Variants in SSBP2 observed in about 807,000 individuals in gnomAD.
SSBP2 encodes the protein single stranded DNA binding protein 2.
SSBP2 carries 17 observed loss-of-function variants against 61.8 expected under a neutral mutation model. The observed-to-expected ratio is 0.28, with a 90% CI of 0.19 to 0.41. The LOEUF is 0.41. SSBP2 is among the 10% of genes least tolerant of loss of function. The pLI is 1.00. For missense variants in SSBP2, 310 were observed against 458.7 expected, an observed-to-expected ratio of 0.68 and a Z score of 2.96; for synonymous variants, 139 against 141.3, an observed-to-expected ratio of 0.98 and a Z score of 0.12.
At position 81,420,283 on chromosome 5, in the gene SSBP2, A is replaced by G. The variant is rs1440804602; in HGVS notation, c.*221T>C. On this transcript the variant is annotated 3_prime_UTR_variant, in exon 17 of 17. Transcript: ENST00000320672. ...ATACACACATAATTATTTGCAGTTC[A>G]GTTTAGGGCAATTCTAATATGCCAC... The G allele has an allele frequency of 5.2e-6, 3 of 576,290 alleles. No individual in the cohort carries two copies. Among genetic ancestry groups the G allele is most frequent in the Non-Finnish European group, 9.3e-6 (3 of 322,490 alleles). 35.7% of individuals were successfully genotyped at this position (576,290 alleles called of 1,614,324 possible).
chr5:81,628,442 G>C (rs901816761), intron 3 of SSBP2, among the ~76,000 whole-genome samples: 2 of 152,102 alleles, frequency 1.3e-5, no homozygotes, highest in Non-Finnish European at 2.9e-5. Flanking sequence ...AGATATGAGA[G>C]TTATAAAAGG....
At chr5:81,466,255 C>A (rs935966576) in intron 9 of SSBP2, among the ~76,000 whole-genome samples, 1 of 151,890 alleles carries the variant, frequency 6.6e-6, no homozygotes, top group African/African-American at 2.4e-5. Flanking sequence ...ACTTGGAGGG[C>A]AAGCTGGATA....
At position 81,513,737 on chromosome 5, in the gene SSBP2, A is replaced by C. The variant is rs753807580; in HGVS notation, c.283-20T>G. 7.1e-6 allele frequency: 11 copies of C among 1,548,484 alleles called. No individual in the cohort carries two copies. Among genetic ancestry groups the C allele is most frequent in the Admixed American group, 1.7e-5 (1 of 58,832 alleles). On this transcript the variant is annotated intron_variant, in intron 4 of 16. Transcript: ENST00000320672. The stretch of plus-strand genomic sequence containing the variant: ...AGCACTCTGCAAAGAATAAAGGAGA[A>C]ACAAACCTATATCATTACAGAGAAG...
At chr5:81,559,916 AATT>A (rs1772911306) in intron 4 of SSBP2, among the ~76,000 whole-genome samples, 1 of 152,180 alleles carries the variant, frequency 6.6e-6, no homozygotes. Flanking sequence ...AGTAATCTAA[AATT>A]ATTAAATAAG....
chr5:81,575,150 C>T (rs972528317), intron 4 of SSBP2, among the ~76,000 whole-genome samples: 8 of 152,124 alleles, frequency 5.3e-5, no homozygotes, highest in Admixed American at 4.6e-4. Flanking sequence ...TGCCTGTAGT[C>T]CCAGCTACTC....
intron 4 of SSBP2, among the ~76,000 whole-genome samples, chr5:81,524,788 G>A (rs758298082): frequency 6.6e-6 from 1 of 152,014 alleles, no homozygotes; most frequent in East Asian, 1.9e-4. Flanking sequence ...TAAGAGGAGG[G>A]AAGCACAGGG....
chr5:81,698,587 G>A (rs1023181997), intron 1 of SSBP2, among the ~76,000 whole-genome samples: 3 of 152,162 alleles, frequency 2.0e-5, no homozygotes, highest in East Asian at 1.9e-4. Flanking sequence ...TGTGGTGGGC[G>A]GATTACTTGA....
At chr5:81,656,224 GTATTTT>G (rs1750199571) in intron 1 of SSBP2, among the ~76,000 whole-genome samples, 1 of 151,930 alleles carries the variant, frequency 6.6e-6, no homozygotes, top group Non-Finnish European at 1.5e-5. Context: ...GCTAATTTTT[GTATTTT>G]TATTAGAGAC....
At chr5:81,727,472 C>G (rs181860520) in intron 1 of SSBP2, among the ~76,000 whole-genome samples, 2 of 152,052 alleles carry the variant, frequency 1.3e-5, no homozygotes, top group African/African-American at 2.4e-5. Flanking sequence ...TCACTTGAAC[C>G]CAGGAGGCAG....
intron 3 of SSBP2, among the ~76,000 whole-genome samples, chr5:81,625,222 T>C (rs1747028990): frequency 6.6e-6 from 1 of 152,190 alleles, no homozygotes; most frequent in Admixed American, 6.5e-5. Flanking sequence ...TAGCAATACT[T>C]GATTTGTGCT....
chr5:81,458,374 T>A (rs571871979), intron 10 of SSBP2, among the ~76,000 whole-genome samples: 56 of 152,188 alleles, frequency 3.7e-4, no homozygotes, highest in Admixed American at 9.8e-4. Context: ...ATGCAAGTAT[T>A]TAGGGATAAA....
At chr5:81,433,197 C>G (rs980280981) in intron 15 of SSBP2, among the ~76,000 whole-genome samples, 1 of 152,074 alleles carries the variant, frequency 6.6e-6, no homozygotes, top group Middle Eastern at 3.4e-3. Flanking sequence ...ATTGAGAAAT[C>G]GGATGGTTGC....
At chr5:81,525,694 A>G (rs1769876452) in intron 4 of SSBP2, among the ~76,000 whole-genome samples, 1 of 151,842 alleles carries the variant, frequency 6.6e-6, no homozygotes, top group Admixed American at 6.6e-5. Context: ...CCCACTGTTC[A>G]TTTTATACCA....
At chr5:81,660,205 A>G (rs1187560765) in intron 1 of SSBP2, among the ~76,000 whole-genome samples, 1 of 152,168 alleles carries the variant, frequency 6.6e-6, no homozygotes, top group Admixed American at 6.5e-5. Context: ...TGCACAGCAA[A>G]AGAAACTAGC....
chr5:81,489,593 A>C (rs1384030421), intron 5 of SSBP2, among the ~76,000 whole-genome samples: 1 of 152,222 alleles, frequency 6.6e-6, no homozygotes, highest in Non-Finnish European at 1.5e-5. Context: ...AGGCAATAAT[A>C]TCTAGTGGCA....
At chr5:81,613,490 T>C (rs895450698) in intron 4 of SSBP2, among the ~76,000 whole-genome samples, 1 of 152,230 alleles carries the variant, frequency 6.6e-6, no homozygotes, top group African/African-American at 2.4e-5. Context: ...ACAACGATGA[T>C]CATTTATCCA....
At chr5:81,566,520 C>T (rs760759356) in intron 4 of SSBP2, among the ~76,000 whole-genome samples, 21 of 152,180 alleles carry the variant, frequency 1.4e-4, no homozygotes, top group African/African-American at 1.9e-4. Flanking sequence ...TCCCCAGCTA[C>T]GTGTAAGTCC....
At chr5:81,587,929 T>C (rs756389904) in intron 4 of SSBP2, among the ~76,000 whole-genome samples, 12 of 152,268 alleles carry the variant, frequency 7.9e-5, no homozygotes, top group Middle Eastern at 3.4e-3. Context: ...GCCACTATCT[T>C]AGTGCAAAAC....
rs534610457 is a variant in SSBP2 at position 81,582,716 on chromosome 5, C to T, written c.282+32757G>A. Among the ~76,000 whole-genome samples, 10 of 152,232 alleles carry T rather than the reference C, an allele frequency of 6.6e-5. No individual in the cohort carries two copies. The South Asian group carries it at 2.1e-3, about 32-fold the overall frequency. On this transcript the variant is annotated intron_variant, in intron 4 of 16. Transcript: ENST00000320672. ...TCAAGCAATTTTCTTGCCTCTGCCT[C>T]CCGAGTAGCTGGGATTACAGGCGTG...
Sources: gnomAD v4.1 joint callset for allele counts (sites outside exome capture counted in the v4.1 genomes callset) on GRCh38, gnomAD v4.1.1 for gene constraint, MANE v1.5 for transcripts, NCBI Gene and HGNC (gene_info 2026-07-23, HGNC 2026-07-21) for gene names.